The following ATF7IP variants were observed in gnomAD, a reference collection of about 807,000 sequenced individuals.
ATF7IP encodes activating transcription factor 7 interacting protein.
Under a neutral mutation model 106.4 loss-of-function variants are expected in ATF7IP, and 23 were observed. The observed-to-expected ratio is 0.22, with a 90% CI of 0.16 to 0.31. The LOEUF is 0.31. ATF7IP is among the 10% of genes least tolerant of loss of function. ATF7IP has a pLI of 1.00. For synonymous variants in ATF7IP, 542 were observed against 539.0 expected, an observed-to-expected ratio of 1.01 and a Z score of -0.08; for missense variants, 1,334 against 1,524.3, an observed-to-expected ratio of 0.88 and a Z score of 2.08.
Position 14,456,652 on chromosome 12 carries a change from G to GTCTAGTTTTTAAAAACAGAACAAAGT in ATF7IP, c.2069+23_2069+48dup. On this transcript the variant is annotated intron_variant, in intron 7 of 14. Transcript: ENST00000261168. ...TCTTACAGGTGAGAATTCATAGTCT[G>GTCTAGTTTTTAAAAACAGAACAAAGT]TCTAGTTTTTAAAAACAGAACAAAG... 6.4e-7 allele frequency: 1 copy of GTCTAGTTTTTAAAAACAGAACAAAGT among 1,562,082 alleles called. No homozygotes were observed. The highest frequency in any genetic ancestry group is 1.1e-5 in the South Asian group (1 of 88,666).
At chr12:14,378,106 T>C (rs532074528) in intron 1 of ATF7IP, among the ~76,000 whole-genome samples, 73 of 136,982 alleles carry the variant, frequency 5.3e-4, no homozygotes, top group Non-Finnish European at 9.3e-4. Context: ...TTTTCTTTTT[T>C]TTTTTTTTTG....
intron 10 of ATF7IP, among the ~76,000 whole-genome samples, chr12:14,474,504 G>A (rs551127489): frequency 1.3e-5 from 2 of 151,362 alleles, no homozygotes; most frequent in African/African-American, 2.4e-5. Flanking sequence ...AGGTTCAAGC[G>A]ATTCTCCTGC....
In ATF7IP at chr12:14,412,172, A is replaced by G. The variant is rs553701795; in HGVS notation, c.-7-11737A>G. ...TTTTACTGGTAGTATCACACTGTCTAGGTTATTGTAGCTTTGTAATAACTT... is the reference window on the plus strand; with the variant it reads ...TTTTACTGGTAGTATCACACTGTCTGGGTTATTGTAGCTTTGTAATAACTT... On this transcript the variant is annotated intron_variant, in intron 1 of 14. Coordinates refer to ENST00000261168, the MANE Select transcript of ATF7IP (RefSeq NM_018179.5). Among the ~76,000 whole-genome samples, 5 of 152,334 alleles carry G rather than the reference A, an allele frequency of 3.3e-5. No individual in the cohort carries two copies. The East Asian group carries it at 9.6e-4, about 29-fold the overall frequency.
In ATF7IP at chr12:14,497,706, A is replaced by C; in HGVS notation, c.3446A>C (p.Gln1149Pro). 3 of 1,614,182 alleles carry C rather than the reference A, an allele frequency of 1.9e-6. No homozygotes were observed. Among genetic ancestry groups the C allele is most frequent in the Non-Finnish European group, 2.5e-6 (3 of 1,180,046 alleles). Residue 1149 changes from glutamine to proline, a missense_variant, in exon 15 of 15, where the codon CAG becomes CCG. Physicochemically the swap from Gln to Pro is moderately conservative, Grantham distance 76 (BLOSUM62 -1). Around this residue, in one of 10 missense-constraint regions of ATF7IP, gnomAD observed 80 missense variants for 157.0 expected, o/e 0.51. Transcript: ENST00000261168. The stretch of plus-strand genomic sequence containing the variant: ...CCCTTACCAGAAGCTCCACAACCAC[A>C]GCGTCTGCCCCCAGAAGCTGCCAGC... ...PAPLPEAPQP[Q>P]RLPPEAASTS... is the part of the protein sequence containing the mutation.
chr12:14,481,505 G>A (rs892110288), intron 13 of ATF7IP: 2 of 413,870 alleles, frequency 4.8e-6, no homozygotes, highest in Admixed American at 3.6e-5. Flanking sequence ...CAAACATGTT[G>A]TATACCATAA....
intron 1 of ATF7IP, among the ~76,000 whole-genome samples, chr12:14,382,785 A>G (rs1400239451): frequency 2.6e-5 from 4 of 152,214 alleles, no homozygotes; most frequent in Non-Finnish European, 4.4e-5. Flanking sequence ...TATAAAGATT[A>G]TTTGCATAAA....
chr12:14,440,741 G>A (rs1591865117), intron 5 of ATF7IP, among the ~76,000 whole-genome samples: 1 of 152,236 alleles, frequency 6.6e-6, no homozygotes, highest in East Asian at 1.9e-4. Context: ...AACTCAAAAA[G>A]AAACGTTTTG....
At chr12:14,435,534 AG>A (rs1247367895) in intron 3 of ATF7IP, among the ~76,000 whole-genome samples, 1 of 152,216 alleles carries the variant, frequency 6.6e-6, no homozygotes, top group African/African-American at 2.4e-5. Context: ...TTCTAAGTGA[AG>A]TCTTCTAGTC....
chr12:14,413,286 T>C (rs965227742), intron 1 of ATF7IP, among the ~76,000 whole-genome samples: 2 of 152,192 alleles, frequency 1.3e-5, no homozygotes, highest in African/African-American at 4.8e-5. Flanking sequence ...GATGAGATAA[T>C]TTAATACTTA....
chr12:14,407,005 A>G (rs1591804604), intron 1 of ATF7IP, among the ~76,000 whole-genome samples: 1 of 152,174 alleles, frequency 6.6e-6, no homozygotes, highest in Admixed American at 6.5e-5. Context: ...CCTTCCTCCA[A>G]TGGAGCTTTT....
chr12:14,405,233 T>G lies in ATF7IP; in HGVS notation c.-7-18676T>G, dbSNP rs574240855. Among the ~76,000 whole-genome samples, 188 of 152,164 alleles carry G rather than the reference T, an allele frequency of 1.2e-3. 1 individual carries two copies. The highest frequency in any genetic ancestry group is 1.6e-3 in the Non-Finnish European group (107 of 68,008). ...GTTTAACTGAAGGAAGATGTAGAAT[T>G]ATAAATAGAATTGGCTGGAAAATTT... On this transcript the variant is annotated intron_variant, in intron 1 of 14. Coordinates refer to ENST00000261168, the MANE Select transcript of ATF7IP (RefSeq NM_018179.5).
At chr12:14,485,904 A>T (rs1018028419) in intron 13 of ATF7IP, among the ~76,000 whole-genome samples, 9 of 152,178 alleles carry the variant, frequency 5.9e-5, no homozygotes, top group Non-Finnish European at 1.2e-4. Flanking sequence ...TTGAATGGGG[A>T]TGTGGTGGCA....
rs528437425 is a variant in ATF7IP at position 14,422,456 on chromosome 12, A to G, written c.-7-1453A>G. Among the ~76,000 whole-genome samples, 12 of 152,182 alleles carry G rather than the reference A, an allele frequency of 7.9e-5. 1 individual carries two copies. In the South Asian group the frequency reaches 2.5e-3, roughly 32 times the overall value. On this transcript the variant is annotated intron_variant, in intron 1 of 14. Coordinates refer to ENST00000261168, the MANE Select transcript of ATF7IP (RefSeq NM_018179.5). ...CTTAAAGTACAATTCAGTTATTTTTAGTATATTCACAGAGCTGTATAATCA... is the reference window on the plus strand; with the variant it reads ...CTTAAAGTACAATTCAGTTATTTTTGGTATATTCACAGAGCTGTATAATCA...
At position 14,481,170 on chromosome 12, in the gene ATF7IP, G is replaced by A. The variant is rs1377043888; in HGVS notation, c.3265G>A (p.Val1089Ile). The change falls in exon 13 of 15, where the codon GTC becomes ATC. Residue 1089 changes from valine to isoleucine, a missense_variant. Val to Ile is a conservative substitution (Grantham distance 29). Coordinates refer to ENST00000261168, the MANE Select transcript of ATF7IP (RefSeq NM_018179.5). ...TVMQAPAVRQ[V>I]NPQNSVTVRV... ...TATGCAGGCTCCTGCTGTTCGGCAG[G>A]TCAATCCCCAAAATAGTAAGAGATT... 1 of 1,613,766 alleles carries A rather than the reference G, an allele frequency of 6.2e-7. No homozygotes were observed. Among genetic ancestry groups the A allele is most frequent in the South Asian group, 1.1e-5 (1 of 91,078 alleles).
intron 14 of ATF7IP, among the ~76,000 whole-genome samples, chr12:14,496,824 A>G (rs1301881741): frequency 1.3e-5 from 2 of 152,212 alleles, no homozygotes; most frequent in Non-Finnish European, 2.9e-5. Flanking sequence ...ACAATGTCAC[A>G]TTATCCTGTG....
At chr12:14,418,058 G>A (rs1941293125) in intron 1 of ATF7IP, among the ~76,000 whole-genome samples, 2 of 152,046 alleles carry the variant, frequency 1.3e-5, no homozygotes, top group Admixed American at 6.5e-5. Context: ...AAGCAGAGAA[G>A]AGAGTAATGT....
At chr12:14,442,340 C>T (rs1210539263) in intron 5 of ATF7IP, among the ~76,000 whole-genome samples, 1 of 151,260 alleles carries the variant, frequency 6.6e-6, no homozygotes, top group Non-Finnish European at 1.5e-5. Flanking sequence ...GGTGTAGATA[C>T]TACCCATGTG....
At position 14,371,715 on chromosome 12, in the gene ATF7IP, TTGA is replaced by T. The variant is rs1415912865; in HGVS notation, c.-8+5893_-8+5895del. Among the ~76,000 whole-genome samples the T allele has an allele frequency of 2.0e-4, 30 of 152,292 alleles. No homozygotes were observed. The East Asian group carries it at 5.2e-3, about 26-fold the overall frequency. ...GTAGTTATAGAATGTTCATTATTAA[TTGA>T]TGATTTTATTAATGATTCTGAATCA... is the stretch of plus-strand genomic sequence containing the variant. On this transcript the variant is annotated intron_variant, in intron 1 of 14. Coordinates refer to ENST00000261168, the MANE Select transcript of ATF7IP (RefSeq NM_018179.5).
At chr12:14,486,177 C>T (rs909782107) in intron 13 of ATF7IP, among the ~76,000 whole-genome samples, 12 of 152,106 alleles carry the variant, frequency 7.9e-5, no homozygotes, top group Admixed American at 2.6e-4. Context: ...ATCCACTGGA[C>T]CCACTGTAAG....
Sources: gnomAD v4.1 joint callset for allele counts (sites outside exome capture counted in the v4.1 genomes callset) on GRCh38, gnomAD v4.1.1 for gene constraint, gnomAD v4.1.1 regional missense constraint, MANE v1.5 for transcripts, NCBI Gene and HGNC (gene_info 2026-07-23, HGNC 2026-07-21) for gene names.